The following AFF2 variants were observed in gnomAD, a reference collection of about 807,000 sequenced individuals.
AFF2 encodes the protein AF4/FMR2 family member 2.
A neutral mutation model predicts 76.9 loss-of-function variants in AFF2; 14 were observed. That is an observed-to-expected ratio of 0.18 (90% CI 0.12 to 0.28). The LOEUF is 0.28. Ranked by LOEUF, AFF2 falls within the 10% of genes least tolerant of loss-of-function variation. The pLI is 1.00. For synonymous variants in AFF2, 398 were observed against 366.7 expected, an observed-to-expected ratio of 1.09 and a Z score of -0.98; for missense variants, 868 against 1,001.1, an observed-to-expected ratio of 0.87 and a Z score of 1.79.
At chrX:148,978,798 T>C (rs2072357181) in intron 18 of AFF2, among the ~76,000 whole-genome samples, 1 of 111,830 alleles carries the variant, frequency 8.9e-6, no homozygotes, top group South Asian at 3.8e-4. Context: ...TGTTAAATGA[T>C]AGGTCAGCCC....
At chrX:148,613,100 T>A (rs1365859214) in intron 1 of AFF2, among the ~76,000 whole-genome samples, 2 of 111,686 alleles carry the variant, frequency 1.8e-5, no homozygotes, top group Non-Finnish European at 1.9e-5. Flanking sequence ...CCATTTTACA[T>A]CCCCTAATAT....
chrX:148,723,653 G>C lies in AFF2; in HGVS notation c.1041+60885G>C, dbSNP rs976115544. Among the ~76,000 whole-genome samples, 28 of 111,896 alleles carry C rather than the reference G, an allele frequency of 2.5e-4. 2 individuals carry two copies. The highest frequency in any genetic ancestry group is 2.1e-3 in the Admixed American group (22 of 10,594). On this transcript the variant is annotated intron_variant, in intron 3 of 20. Coordinates refer to ENST00000370460, the MANE Select transcript of AFF2 (RefSeq NM_002025.4). ...CAAGTTAATCTTCCAGTGTCAGCTG[G>C]CTGAGTTTTGGACTAGTGATGAATG...
At chrX:148,547,219 G>A (rs1314192566) in intron 1 of AFF2, 1 of 99,751 alleles carries the variant, frequency 1.0e-5, no homozygotes, top group Non-Finnish European at 2.0e-5. Flanking sequence ...CTTTCTTGCA[G>A]TGAAGGGTCC....
chrX:148,754,450 G>T (rs181230688), intron 3 of AFF2, among the ~76,000 whole-genome samples: 1 of 109,803 alleles, frequency 9.1e-6, no homozygotes, highest in Non-Finnish European at 1.9e-5. Context: ...ACATTTCCCT[G>T]TAGCAAAGAC....
At chrX:148,679,032 C>T (rs1319633658) in intron 3 of AFF2, among the ~76,000 whole-genome samples, 1 of 109,703 alleles carries the variant, frequency 9.1e-6, no homozygotes, top group Non-Finnish European at 1.9e-5. Context: ...TTACATAACA[C>T]CGCTGTATAA....
intron 1 of AFF2, among the ~76,000 whole-genome samples, chrX:148,594,407 G>A (rs782604243): frequency 8.9e-6 from 1 of 112,352 alleles, no homozygotes; most frequent in African/African-American, 3.2e-5. Flanking sequence ...AGAAAGAGAC[G>A]TGGTTGTCAT....
In AFF2 at chrX:148,656,560, C is replaced by T. The variant is rs781848941; in HGVS notation, c.180+4429C>T. ...TGTCGCCCAGGCTGGAGTGCAGTGG[C>T]GGGATCTCGGCTCACTGCAAGCTCC... is the stretch of plus-strand genomic sequence containing the variant. On this transcript the variant is annotated intron_variant, in intron 2 of 20. Coordinates refer to ENST00000370460, the MANE Select transcript of AFF2 (RefSeq NM_002025.4). Among the ~76,000 whole-genome samples, 7 of 87,716 alleles carry T rather than the reference C, an allele frequency of 8.0e-5. 1 individual carries two copies. The highest frequency in any genetic ancestry group is 3.5e-4 in the East Asian group (1 of 2,853). 76.2% of individuals were successfully genotyped at this position (87,716 alleles called of 115,157 possible). A position where few individuals can be genotyped will look rare whatever the true frequency, so the allele number is the denominator to read the frequency against.
rs782374750 is a variant in AFF2 at position 148,912,293 on chromosome X, C to G, written c.1397+8035C>G. On this transcript the variant is annotated intron_variant, in intron 9 of 20. Transcript: ENST00000370460. ...TAGGTTCCCTCCCCTAGCCCTCCAC[C>G]CCCCCATCAGGCCCTGGTGTGTGTG... Among the ~76,000 whole-genome samples the G allele has an allele frequency of 2.2e-4, 25 of 112,084 alleles. No homozygotes were observed. The East Asian group carries it at 4.5e-3, about 20-fold the overall frequency.
chrX:148,815,558 C>T (rs1460883925), intron 4 of AFF2, among the ~76,000 whole-genome samples: 1 of 111,827 alleles, frequency 8.9e-6, no homozygotes, highest in Non-Finnish European at 1.9e-5. Flanking sequence ...GTGAACAATG[C>T]AGGTAAGCCA....
chrX:148,570,696 A>G (rs1205737704), intron 1 of AFF2, among the ~76,000 whole-genome samples: 12 of 111,399 alleles, frequency 1.1e-4, no homozygotes, highest in Admixed American at 9.5e-4. Flanking sequence ...TCCCAGTTCT[A>G]GAGGCTATAA....
Position 148,996,719 on chromosome X carries a change from TGAG to T in AFF2, c.*5388_*5390del, listed in dbSNP as rs782269787. ...CCTAGGTTTTAAGCAGGAGAATAGC[TGAG>T]AAGAATGAAGCCCTCCTGAGCTGAA... On this transcript the variant is annotated 3_prime_UTR_variant, in exon 21 of 21. Transcript: ENST00000370460. The T allele has an allele frequency of 8.9e-6, 1 of 112,040 alleles. No individual in the cohort carries two copies. Among genetic ancestry groups the T allele is most frequent in the African/African-American group, 3.2e-5 (1 of 30,802 alleles). 9.2% of individuals were successfully genotyped at this position (112,040 alleles called of 1,213,427 possible). A position where few individuals can be genotyped will look rare whatever the true frequency, so the allele number is the denominator to read the frequency against.
intron 3 of AFF2, among the ~76,000 whole-genome samples, chrX:148,685,591 G>T (rs933051493): frequency 2.7e-5 from 3 of 111,472 alleles, no homozygotes; most frequent in Non-Finnish European, 5.7e-5. Flanking sequence ...TAATTTCTCA[G>T]TGGAGAAATA....
chrX:148,501,904 C>T (rs2124176028), intron 1 of AFF2, among the ~76,000 whole-genome samples: 1 of 112,291 alleles, frequency 8.9e-6, no homozygotes, highest in Admixed American at 9.3e-5. Context: ...GGACCTCCAG[C>T]TCAGATTCAA....
chrX:148,845,967 A>G (rs782560258), intron 7 of AFF2, among the ~76,000 whole-genome samples: 7 of 112,117 alleles, frequency 6.2e-5, no homozygotes, highest in Admixed American at 9.5e-5. Flanking sequence ...GACAAAATGC[A>G]GATCTTCCAT....
At chrX:148,969,647 C>A (rs1396438293) in intron 15 of AFF2, among the ~76,000 whole-genome samples, 1 of 106,350 alleles carries the variant, frequency 9.4e-6, no homozygotes, top group African/African-American at 3.7e-5. Context: ...ATGTTCAGTG[C>A]GAATGGAACC....
intron 3 of AFF2, among the ~76,000 whole-genome samples, chrX:148,738,094 C>A (rs782294726): frequency 1.2e-3 from 135 of 110,880 alleles, no homozygotes; most frequent in African/African-American, 3.5e-3. Flanking sequence ...TGGTTATGTC[C>A]TTTCCTGGTT....
At chrX:148,810,022 G>A (rs2124640580) in intron 4 of AFF2, 102 bp downstream of exon 4, 1 of 816,493 alleles carries the variant, frequency 1.2e-6, no homozygotes, top group East Asian at 3.2e-5. Flanking sequence ...GTTTCATGAT[G>A]GGGAATCCTG....
At chrX:148,851,029 C>T (rs1321110929) in intron 7 of AFF2, among the ~76,000 whole-genome samples, 1 of 112,411 alleles carries the variant, frequency 8.9e-6, no homozygotes, top group African/African-American at 3.2e-5. Flanking sequence ...CCAACTGAGA[C>T]TGGAGTAGAA....
At chrX:148,799,477 A>G (rs1312662902) in intron 3 of AFF2, among the ~76,000 whole-genome samples, 2 of 112,034 alleles carry the variant, frequency 1.8e-5, no homozygotes, top group African/African-American at 6.5e-5. Flanking sequence ...TGGACAACCT[A>G]TACCTACTGT....
Sources: allele counts gnomAD v4.1 joint callset (sites outside exome capture counted in the v4.1 genomes callset), GRCh38; gene constraint gnomAD v4.1.1; transcripts MANE v1.5; gene names NCBI Gene and HGNC (gene_info 2026-07-23, HGNC 2026-07-21).